The following L1TD1 variants were observed in gnomAD, a reference collection of about 807,000 sequenced individuals.
The protein encoded by L1TD1 is LINE1 type transposase domain containing 1.
A neutral mutation model predicts 25.7 loss-of-function variants in L1TD1; 26 were observed. That is an observed-to-expected ratio of 1.01 (90% CI 0.74 to 1.40). The LOEUF (loss-of-function observed/expected upper bound fraction) is 1.40, where lower values mean the gene tolerates loss of function less well. Among genes scored for constraint, L1TD1 ranks in the 40% most tolerant of loss-of-function variants. The pLI is 0.00. For synonymous variants in L1TD1, 421 were observed against 335.6 expected (o/e 1.25, Z -2.78); for missense variants, 1,130 against 975.0 (o/e 1.16, Z -2.12).
rs532956666 is a variant in L1TD1, at chr1:62,212,266, T to C, written c.*894T>C. ...AATACAAAAAGAGGAAGAAATGATA[T>C]TTCACAAGTTTGTATCATTTGTCAT... On this transcript the variant is annotated 3_prime_UTR_variant, in exon 4 of 4. Transcript: ENST00000498273. 3 of 152,102 alleles carry C rather than the reference T, an allele frequency of 2.0e-5. No individual in the cohort carries two copies. Among genetic ancestry groups the C allele is most frequent in the Admixed American group, 6.6e-5 (1 of 15,260 alleles). The allele number at this position is 152,102 out of a possible 1,614,324, so 9.4% of individuals were successfully genotyped here. A position where few individuals can be genotyped will look rare whatever the true frequency, so the allele number is the denominator to read the frequency against.
intron 2 of L1TD1, among the ~76,000 whole-genome samples, chr1:62,201,075 C>T (rs559117444): frequency 6.6e-6 from 1 of 151,950 alleles, no homozygotes; most frequent in African/African-American, 2.4e-5. Context: ...ATTACAGGTG[C>T]CCGCCATCAT....
Position 62,210,578 on chromosome 1 carries a change from C to G in L1TD1, c.1804C>G (p.Leu602Val). The change falls in exon 4 of 4, where the codon CTA becomes GTA. Residue 602 changes from leucine (L) to valine (V), a missense_variant. Physicochemically the swap from Leu to Val is conservative, Grantham distance 32. Transcript: ENST00000498273. ...KKHRTLHTEE[L>V]TSKEADLTEE... is the part of the protein sequence containing the mutation. The stretch of plus-strand genomic sequence containing the variant: ...ACACAGAACTCTGCACACAGAAGAA[C>G]TAACATCCAAAGAAGCAGACTTAAC... 6.3e-7 allele frequency: 1 copy of G among 1,579,822 alleles called. No individual in the cohort carries two copies. Among genetic ancestry groups the G allele is most frequent in the Non-Finnish European group, 8.7e-7 (1 of 1,151,144 alleles).
intron 2 of L1TD1, among the ~76,000 whole-genome samples, chr1:62,198,274 C>G (rs561141477): frequency 6.6e-6 from 1 of 151,552 alleles, no homozygotes; most frequent in South Asian, 2.1e-4. Flanking sequence ...TTGTGACCAG[C>G]GAACAGTGAT....
chr1:62,203,032 G>A (rs1363164614), intron 2 of L1TD1, among the ~76,000 whole-genome samples: 1 of 151,982 alleles, frequency 6.6e-6, no homozygotes, highest in African/African-American at 2.4e-5. Flanking sequence ...GCATTGCTGA[G>A]GCTGGTCTCA....
At chr1:62,201,776 G>T (rs1670644582) in intron 2 of L1TD1, among the ~76,000 whole-genome samples, 2 of 152,028 alleles carry the variant, frequency 1.3e-5, no homozygotes, top group African/African-American at 4.8e-5. Flanking sequence ...TCCATATTCA[G>T]TACTCCCTGC....
chr1:62,198,467 AAG>A (rs1180398175), intron 2 of L1TD1, among the ~76,000 whole-genome samples: 1 of 151,878 alleles, frequency 6.6e-6, no homozygotes, highest in Non-Finnish European at 1.5e-5. Flanking sequence ...AAAAGAAGAA[AAG>A]AGAAGTCCAT....
At chr1:62,203,354 C>A (rs1472196271) in intron 2 of L1TD1, among the ~76,000 whole-genome samples, 4 of 151,922 alleles carry the variant, frequency 2.6e-5, no homozygotes, top group Admixed American at 6.6e-5. Context: ...ATTTTTGTAC[C>A]CATTAACCAT....
chr1:62,210,411 C>G lies in L1TD1; in HGVS notation c.1637C>G (p.Thr546Ser). 6.2e-7 allele frequency: 1 copy of G among 1,614,116 alleles called. No individual in the cohort carries two copies. The highest frequency in any genetic ancestry group is 1.7e-5 in the Admixed American group (1 of 60,024). ...ACAGCTGTGCCCACAAGTCAAGGAA[C>G]TGGCACACCCTGTCTGACCTTATGT... ...EETAVPTSQG[T>S]GTPCLTLCLA... Residue 546 changes from threonine to serine, a missense_variant, in exon 4 of 4, where the codon ACT becomes AGT. Coordinates refer to ENST00000498273, the MANE Select transcript of L1TD1 (RefSeq NM_019079.5).
rs1424037417 is a variant in L1TD1 at position 62,210,958 on chromosome 1, CTT to C, written c.2186_2187del (p.Phe729CysfsTer10). ...DIIKEIIDEN[F>X]AELKKGSSLE... is the part of the protein sequence containing the mutation. Reference sequence around the variant, plus strand: ...TAATTAAAGAAATAATTGATGAAAACTTTGCAGAACTAAAGAAAGGTTCAAGT... The same window carrying C: ...TAATTAAAGAAATAATTGATGAAAACTGCAGAACTAAAGAAAGGTTCAAGT... On this transcript the variant is annotated frameshift_variant, in exon 4 of 4. Transcript: ENST00000498273. LOFTEE classifies it low-confidence loss of function (END_TRUNC). The C allele has an allele frequency of 3.9e-6, 6 of 1,544,976 alleles. No homozygotes were observed. In the African/African-American group the frequency reaches 4.1e-5, roughly 11 times the overall value.
chr1:62,207,284 A>G lies in L1TD1; in HGVS notation c.656A>G (p.Lys219Arg). ...KEMREERKFQ[K>R]LKNKEEVLKA... ...ATGAGAGAGGAAAGAAAATTTCAGA[A>G]ATTGAAGAATAAAGAGGAGGTTTTA... Residue 219 changes from lysine to arginine, a missense_variant, in exon 3 of 4, where the codon AAA becomes AGA. Physicochemically the swap from Lys to Arg is conservative, Grantham distance 26. Coordinates refer to ENST00000498273, the MANE Select transcript of L1TD1 (RefSeq NM_019079.5). 1 of 1,550,892 alleles carries G rather than the reference A, an allele frequency of 6.4e-7. No individual in the cohort carries two copies. The highest frequency in any genetic ancestry group is 8.7e-7 in the Non-Finnish European group (1 of 1,146,794).
chr1:62,206,611 C>T lies in L1TD1; in HGVS notation c.-18C>T. 1 of 1,467,960 alleles carries T rather than the reference C, an allele frequency of 6.8e-7. No homozygotes were observed. Among genetic ancestry groups the T allele is most frequent in the East Asian group, 2.5e-5 (1 of 39,994 alleles). The allele number at this position is 1,467,960 out of a possible 1,614,324, so 90.9% of individuals were successfully genotyped here. ...GTAGGAATTAAAAACAGAATCCAGTCTTGACAACATATCCACAATGTCTGA... is the reference window on the plus strand; with the variant it reads ...GTAGGAATTAAAAACAGAATCCAGTTTTGACAACATATCCACAATGTCTGA... On this transcript the variant is annotated 5_prime_UTR_variant, in exon 3 of 4. Transcript: ENST00000498273.
intron 2 of L1TD1, among the ~76,000 whole-genome samples, chr1:62,205,443 A>ATATTTTTTTTTTTTT (rs1553122597): frequency 1.6e-5 from 1 of 63,660 alleles, no homozygotes; most frequent in Non-Finnish European, 3.1e-5. Context: ...ATATATATAT[A>ATATTTTTTTTTTTTT]TTTTTTTTTA....
intron 2 of L1TD1, among the ~76,000 whole-genome samples, chr1:62,200,076 T>C (rs943216675): frequency 2.6e-5 from 4 of 152,154 alleles, no homozygotes; most frequent in African/African-American, 4.8e-5. Context: ...TATACTCTTA[T>C]TATGTATGGT....
intron 3 of L1TD1, 60 bp from the exon 4 acceptor site, chr1:62,209,723 T>C (rs1670819069): frequency 7.7e-7 from 1 of 1,304,426 alleles, no homozygotes; most frequent in Non-Finnish European, 1.0e-6. Flanking sequence ...ATTTTAATTC[T>C]TTAAAAGACA....
At chr1:62,197,477 G>A (rs1021693217) in intron 2 of L1TD1, among the ~76,000 whole-genome samples, 6 of 147,460 alleles carry the variant, frequency 4.1e-5, no homozygotes, top group African/African-American at 1.5e-4. Context: ...AGGTTAAGAA[G>A]CTCATATATT....
In L1TD1 at chr1:62,210,354, A is replaced by G. The variant is rs761188087; in HGVS notation, c.1580A>G (p.Gln527Arg). The change falls in exon 4 of 4, where the codon CAG (glutamine) becomes CGG (arginine). Residue 527 changes from glutamine to arginine, a missense_variant. By Grantham distance (43) the Gln-to-Arg change is conservative. Transcript: ENST00000498273. ...DSGKKKLVKHQVVHKTQEEEE... is the reference protein window; with the variant it reads ...DSGKKKLVKHRVVHKTQEEEE... The stretch of plus-strand genomic sequence containing the variant: ...GGGAAGAAAAAGTTGGTGAAACACC[A>G]GGTGGTGCACAAAACCCAGGAGGAA... The G allele has an allele frequency of 6.2e-7, 1 of 1,613,980 alleles. No individual in the cohort carries two copies. Among genetic ancestry groups the G allele is most frequent in the South Asian group, 1.1e-5 (1 of 91,018 alleles).
At chr1:62,205,989 T>G (rs991041864) in intron 2 of L1TD1, among the ~76,000 whole-genome samples, 1 of 151,902 alleles carries the variant, frequency 6.6e-6, no homozygotes, top group African/African-American at 2.4e-5. Flanking sequence ...CCTCAACCTC[T>G]CAAAGTGCTG....
Position 62,202,838 on chromosome 1 carries a change from C to G in L1TD1, c.-110-3681C>G, listed in dbSNP as rs138627337. ...AGCTGGGATTACAGGAACCCACCAC[C>G]ACGCCCAGCTAAATCTGTATTTGTA... On this transcript the variant is annotated intron_variant, in intron 2 of 3. Coordinates refer to ENST00000498273, the MANE Select transcript of L1TD1 (RefSeq NM_019079.5). Among the ~76,000 whole-genome samples, 1,195 of 152,064 alleles carry G rather than the reference C, an allele frequency of 7.9e-3. 22 individuals are homozygous for G. The highest frequency in any genetic ancestry group is 0.028 in the African/African-American group (1,163 of 41,472).
In L1TD1 at chr1:62,209,784, A is replaced by G; in HGVS notation, c.1010A>G (p.Asp337Gly). Residue 337 changes from aspartate to glycine, a missense_variant and splice_region_variant, in exon 4 of 4, where the codon GAT (aspartate) becomes GGT (glycine). By Grantham distance (94) the Asp-to-Gly change is moderately conservative. Coordinates refer to ENST00000498273, the MANE Select transcript of L1TD1 (RefSeq NM_019079.5). Reference sequence around the variant, plus strand: ...TTTTCTTCTTTGTTTAACTTTCAGGATAAAACCCTAATAGACTCAAAGCAT... The same window carrying G: ...TTTTCTTCTTTGTTTAACTTTCAGGGTAAAACCCTAATAGACTCAAAGCAT... Reference protein sequence around the residue: ...GRKYGIQEKRDKTLIDSKHRA... With the variant: ...GRKYGIQEKRGKTLIDSKHRA... The G allele has an allele frequency of 1.3e-6, 2 of 1,522,060 alleles. No individual in the cohort carries two copies. Among genetic ancestry groups the G allele is most frequent in the South Asian group, 1.3e-5 (1 of 79,298 alleles). 94.3% of individuals were successfully genotyped at this position (1,522,060 alleles called of 1,614,324 possible).
Sources: gnomAD v4.1 joint callset for allele counts (sites outside exome capture counted in the v4.1 genomes callset) on GRCh38, gnomAD v4.1.1 for gene constraint, MANE v1.5 for transcripts, NCBI Gene and HGNC (gene_info 2026-07-23, HGNC 2026-07-21) for gene names.